Variants in SOS1 observed in about 807,000 individuals in gnomAD.
The protein encoded by SOS1 is son of sevenless homolog 1.
A neutral mutation model predicts 157.6 loss-of-function variants in SOS1; 25 were observed. That is an observed-to-expected ratio of 0.16 (90% CI 0.12 to 0.22). The LOEUF is 0.22. Ranked by LOEUF, SOS1 falls within the 10% of genes least tolerant of loss-of-function variation. SOS1 has a pLI of 1.00. For missense variants in SOS1, 1,237 were observed against 1,599.1 expected (o/e 0.77, Z 3.86); for synonymous variants, 528 against 534.0 (o/e 0.99, Z 0.16).
At chr2:39,018,906 CACAA>C (rs1004373963) in intron 10 of SOS1, among the ~76,000 whole-genome samples, 5 of 151,864 alleles carry the variant, frequency 3.3e-5, no homozygotes, top group South Asian at 2.1e-4. Flanking sequence ...TATGCTGACG[CACAA>C]ACACTTTTTT....
At chr2:38,997,842 AGAAT>A (rs1413953905) in intron 17 of SOS1, among the ~76,000 whole-genome samples, 1 of 152,202 alleles carries the variant, frequency 6.6e-6, no homozygotes, top group African/African-American at 2.4e-5. Context: ...AGGAACTTTA[AGAAT>A]AACTTCGTCA....
rs1035990403 is a variant in SOS1, at chr2:39,067,614, A to C, written c.213+14T>G. 4 of 1,611,284 alleles carry C rather than the reference A, an allele frequency of 2.5e-6. No individual in the cohort carries two copies. The highest frequency in any genetic ancestry group is 3.4e-6 in the Non-Finnish European group (4 of 1,177,638). ...ATTAGATATAAAGTAAATACAAGAC[A>C]ACATTTGTCATACCTCTACATCTGA... On this transcript the variant is annotated intron_variant, in intron 2 of 22. Transcript: ENST00000402219.
At chr2:39,062,888 G>C (rs1314212880) in intron 2 of SOS1, among the ~76,000 whole-genome samples, 2 of 151,978 alleles carry the variant, frequency 1.3e-5, no homozygotes, top group Non-Finnish European at 2.9e-5. Context: ...GAAAGAAATA[G>C]ATTGAAGCAA....
In SOS1 at chr2:38,982,738, A is replaced by AAACC. The variant is rs1454100957; in HGVS notation, c.*3085_*3086insGGTT. ...AATTTAAGCTGTCATATTAGAAGAC[A>AAACC]AACAATGAAATACAAGATTAAGCTA... On this transcript the variant is annotated 3_prime_UTR_variant, in exon 23 of 23. Transcript: ENST00000402219. 3 of 152,224 alleles carry AAACC rather than the reference A, an allele frequency of 2.0e-5. No homozygotes were observed. The highest frequency in any genetic ancestry group is 7.2e-5 in the African/African-American group (3 of 41,464). 9.4% of individuals were successfully genotyped at this position (152,224 alleles called of 1,614,324 possible). A position where few individuals can be genotyped will look rare whatever the true frequency, so the allele number is the denominator to read the frequency against.
chr2:39,044,851 T>TGCGC (rs774095006), intron 6 of SOS1, among the ~76,000 whole-genome samples: 11 of 146,178 alleles, frequency 7.5e-5, no homozygotes, highest in Middle Eastern at 3.5e-3. Flanking sequence ...TACACACACA[T>TGCGC]GCGCGCGCGC....
rs1378126217 is a variant in SOS1, at chr2:39,009,523, T to TA, written c.2510+1060dup. On this transcript the variant is annotated intron_variant, in intron 15 of 22. Coordinates refer to ENST00000402219, the MANE Select transcript of SOS1 (RefSeq NM_005633.4). ...TTCTCATTTCTTCTCATAACTGACT[T>TA]AAACAACTGTATAAAATAATATAAA... Among the ~76,000 whole-genome samples, 7 of 152,286 alleles carry TA rather than the reference T, an allele frequency of 4.6e-5. No homozygotes were observed. The South Asian group carries it at 1.2e-3, about 27-fold the overall frequency.
chr2:39,081,006 T>C (rs1428500423), intron 1 of SOS1, among the ~76,000 whole-genome samples: 1 of 151,700 alleles, frequency 6.6e-6, no homozygotes, highest in Non-Finnish European at 1.5e-5. Flanking sequence ...GGCAACAAAG[T>C]GAGACCTTGT....
chr2:39,023,237 A>G lies in SOS1; in HGVS notation c.1203-12T>C. On this transcript the variant is annotated splice_polypyrimidine_tract_variant and intron_variant, in intron 9 of 22. Transcript: ENST00000402219. ...GACATGCAGATTCACTGGAATAAAG[A>G]AAAAGACATTATTAGTACATAGATG... is the stretch of plus-strand genomic sequence containing the variant. 1 of 1,604,548 alleles carries G rather than the reference A, an allele frequency of 6.2e-7. No individual in the cohort carries two copies.
At chr2:39,030,546 G>T (rs1340521146) in intron 8 of SOS1, among the ~76,000 whole-genome samples, 1 of 152,168 alleles carries the variant, frequency 6.6e-6, no homozygotes, top group African/African-American at 2.4e-5. Flanking sequence ...CTCCAGCCTG[G>T]GTGACAGAGC....
intron 19 of SOS1, among the ~76,000 whole-genome samples, chr2:38,996,326 A>G (rs1230582550): frequency 6.6e-6 from 1 of 152,116 alleles, no homozygotes; most frequent in Non-Finnish European, 1.5e-5. Context: ...CTGACCTCAG[A>G]TGATCCACCC....
chr2:39,075,191 C>T (rs1029568175), intron 1 of SOS1, among the ~76,000 whole-genome samples: 50 of 152,118 alleles, frequency 3.3e-4, no homozygotes, highest in Middle Eastern at 3.4e-3. Context: ...AGACCTGGAC[C>T]GAGGCACAAA....
intron 2 of SOS1, among the ~76,000 whole-genome samples, chr2:39,061,249 TA>T (rs68086036): frequency 0.58 from 67,566 of 117,034 alleles, 19,202 homozygotes; most frequent in Middle Eastern, 0.68. Flanking sequence ...TTCGTAGGGT[TA>T]AAAAAAAAAA....
intron 17 of SOS1, among the ~76,000 whole-genome samples, chr2:39,005,594 G>A (rs1172849099): frequency 1.3e-5 from 2 of 151,966 alleles, no homozygotes; most frequent in African/African-American, 4.8e-5. Flanking sequence ...AAGATTAGAA[G>A]TAAATACAAA....
chr2:39,079,786 C>A (rs1672139050), intron 1 of SOS1, among the ~76,000 whole-genome samples: 1 of 152,134 alleles, frequency 6.6e-6, no homozygotes. Flanking sequence ...AGCCACTGTG[C>A]CTGGCCAGAA....
intron 1 of SOS1, among the ~76,000 whole-genome samples, chr2:39,071,707 T>G (rs952383538): frequency 1.3e-5 from 2 of 152,226 alleles, no homozygotes; most frequent in Non-Finnish European, 2.9e-5. Flanking sequence ...GTTTTTTTTG[T>G]AAAGTTCACT....
upstream of SOS1, among the ~76,000 whole-genome samples, chr2:39,123,700 T>C (rs949184449): frequency 6.6e-6 from 1 of 152,180 alleles, no homozygotes; most frequent in African/African-American, 2.4e-5. Flanking sequence ...TTGGTTTTAA[T>C]CGTATCCCCG....
intron 1 of SOS1, among the ~76,000 whole-genome samples, chr2:39,069,189 GCAAAAAA>G (rs1671694557): frequency 2.5e-5 from 1 of 40,018 alleles, no homozygotes; most frequent in Non-Finnish European, 4.1e-5. Context: ...CTACCAAAAA[GCAAAAAA>G]AAAAAAAAAA....
Position 39,013,886 on chromosome 2 carries a change from T to C in SOS1, c.2044A>G (p.Ile682Val), listed in dbSNP as rs1402974688. 2 of 1,609,814 alleles carry C rather than the reference T, an allele frequency of 1.2e-6. No homozygotes were observed. The highest frequency in any genetic ancestry group is 2.2e-5 in the East Asian group (1 of 44,800). ...AELKRFRKEY[I>V]QPVQLRVLNV... is the part of the protein sequence containing the mutation. ...GCTTACCGCAGTTGCACAGGCTGTA[T>C]ATATTCTTTTCTAAATCTTTTCAGT... The change falls in exon 12 of 23, where the codon ATA becomes GTA. Residue 682 changes from isoleucine to valine, a missense_variant. Physicochemically the swap from Ile to Val is conservative, Grantham distance 29. This residue lies in a region of SOS1 where 42 missense variants were observed against 80.4 expected (regional missense o/e 0.52). Coordinates refer to ENST00000402219, the MANE Select transcript of SOS1 (RefSeq NM_005633.4).
chr2:39,045,939 C>A (rs939295593), intron 6 of SOS1, among the ~76,000 whole-genome samples: 1 of 152,106 alleles, frequency 6.6e-6, no homozygotes, highest in Non-Finnish European at 1.5e-5. Flanking sequence ...GTCTCAAACT[C>A]CTGACCTTGT....
Sources: allele counts gnomAD v4.1 joint callset (sites outside exome capture counted in the v4.1 genomes callset), GRCh38; gene constraint gnomAD v4.1.1; regional missense constraint gnomAD v4.1.1; transcripts MANE v1.5; gene names NCBI Gene and HGNC (gene_info 2026-07-23, HGNC 2026-07-21).